The following DPH6 variants were observed in gnomAD, a reference collection of about 807,000 sequenced individuals.
DPH6 encodes diphthamine biosynthesis 6, also known as diphthine--ammonia ligase.
A neutral mutation model predicts 38.2 loss-of-function variants in DPH6; 33 were observed. The observed-to-expected ratio is 0.86, with a 90% CI of 0.65 to 1.15. DPH6 has a LOEUF of 1.15. Among genes scored for constraint, DPH6 ranks in the 50% most tolerant of loss-of-function variants. DPH6 has a pLI of 0.00. For missense variants in DPH6, 325 were observed against 320.0 expected, an observed-to-expected ratio of 1.02 and a Z score of -0.12; for synonymous variants, 108 against 103.0, an observed-to-expected ratio of 1.05 and a Z score of -0.30.
At chr15:35,199,118 C>T in the DPH6 span, among the ~76,000 whole-genome samples, 2 of 152,054 alleles carry the variant, frequency 1.3e-5, no homozygotes, top group Non-Finnish European at 2.9e-5. Flanking sequence ...TGGGGTTTTA[C>T]CATGTTGGCT....
At chr15:35,189,421 T>A in the DPH6 span, among the ~76,000 whole-genome samples, 1 of 152,200 alleles carries the variant, frequency 6.6e-6, no homozygotes, top group South Asian at 2.1e-4. Flanking sequence ...CAATGCAAAC[T>A]CCATACCAGA....
chr15:35,386,255 A>C (rs2052955352), intron 6 of DPH6, among the ~76,000 whole-genome samples: 1 of 152,206 alleles, frequency 6.6e-6, no homozygotes, highest in African/African-American at 2.4e-5. Context: ...CATTGTTGGA[A>C]ATCTGGGTTG....
At chr15:35,215,069 A>G (rs1366816111), downstream of DPH6, among the ~76,000 whole-genome samples, 1 of 152,240 alleles carries the variant, frequency 6.6e-6, no homozygotes, top group Non-Finnish European at 1.5e-5. Context: ...CATCTTGTGC[A>G]ATAATTCACC....
the DPH6 span, among the ~76,000 whole-genome samples, chr15:35,206,294 G>A: frequency 6.6e-6 from 1 of 152,134 alleles, no homozygotes; most frequent in Non-Finnish European, 1.5e-5. Flanking sequence ...TTCTTCAAAT[G>A]ACTGAATTCC....
intron 3 of DPH6, among the ~76,000 whole-genome samples, chr15:35,296,804 C>CTTTTTTTTTTTTTTTTTTTT (rs772132282): frequency 7.9e-5 from 10 of 127,346 alleles, no homozygotes; most frequent in African/African-American, 1.8e-4. Flanking sequence ...GGCCTGGCTT[C>CTTTTTTTTTTTTTTTTTTTT]TTTTTTTTTT....
At chr15:35,315,470 G>T (rs987394490) in intron 3 of DPH6, among the ~76,000 whole-genome samples, 2 of 152,218 alleles carry the variant, frequency 1.3e-5, no homozygotes, top group African/African-American at 4.8e-5. Flanking sequence ...CGCAACTGCA[G>T]TTACTTTGCA....
intron 3 of DPH6, chr15:35,299,006 T>A: frequency 1.3e-6 from 1 of 742,858 alleles, no homozygotes. Flanking sequence ...CTGAACTCCT[T>A]GAAAACTCAC....
chr15:35,473,955 T>TGCGC (rs1475956545), intron 3 of DPH6, among the ~76,000 whole-genome samples: 21 of 26,766 alleles, frequency 7.8e-4, no homozygotes, highest in Admixed American at 1.7e-3. Flanking sequence ...TGTGTGTGTG[T>TGCGC]GTGCGCGCGC....
intron 5 of DPH6, among the ~76,000 whole-genome samples, chr15:35,421,094 G>C (rs1189402257): frequency 6.6e-6 from 1 of 152,014 alleles, no homozygotes; most frequent in Admixed American, 6.5e-5. Context: ...GAATCACAAA[G>C]AAGCTGGAAA....
intron 3 of DPH6, among the ~76,000 whole-genome samples, chr15:35,507,558 A>G (rs8041876): frequency 0.01 from 1,531 of 152,214 alleles, 26 homozygotes; most frequent in African/African-American, 0.035. Flanking sequence ...ATTTTACCCC[A>G]TAAGCAAAAC....
At chr15:35,377,341 A>G (rs1394969379) in intron 7 of DPH6, among the ~76,000 whole-genome samples, 1 of 151,968 alleles carries the variant, frequency 6.6e-6, no homozygotes, top group Admixed American at 6.6e-5. Flanking sequence ...CCATCCATCC[A>G]TCCATCCATC....
At chr15:35,433,998 C>A (rs770365041) in intron 5 of DPH6, among the ~76,000 whole-genome samples, 2 of 152,158 alleles carry the variant, frequency 1.3e-5, no homozygotes, top group African/African-American at 2.4e-5. Context: ...CTGTACAAGG[C>A]TGCCCTCTAC....
At chr15:35,152,483 ATTTG>A in the DPH6 span, among the ~76,000 whole-genome samples, 3 of 152,074 alleles carry the variant, frequency 2.0e-5, no homozygotes, top group Non-Finnish European at 2.9e-5. Context: ...ATTATATTGC[ATTTG>A]TTTGTTTGTT....
chr15:35,437,012 G>A (rs2053725293), intron 5 of DPH6, among the ~76,000 whole-genome samples: 1 of 151,430 alleles, frequency 6.6e-6, no homozygotes, highest in South Asian at 2.1e-4. Flanking sequence ...GAGACAGGGT[G>A]TACGTGGGTA....
At chr15:35,487,143 C>A (rs1306479152) in intron 3 of DPH6, among the ~76,000 whole-genome samples, 1 of 152,180 alleles carries the variant, frequency 6.6e-6, no homozygotes, top group East Asian at 1.9e-4. Context: ...CTTTCATGGG[C>A]TGGTGTTGAG....
chr15:35,401,163 T>C (rs969597021), intron 6 of DPH6: 5 of 1,108,048 alleles, frequency 4.5e-6, no homozygotes, highest in South Asian at 1.2e-5. Flanking sequence ...ATACTGTGAA[T>C]GGCCACAACT....
At chr15:35,534,381 A>G (rs1330344374) in intron 3 of DPH6, among the ~76,000 whole-genome samples, 2 of 149,718 alleles carry the variant, frequency 1.3e-5, no homozygotes, top group Non-Finnish European at 3.0e-5. Flanking sequence ...CTGTCTCAAA[A>G]AAAAAAAAAA....
chr15:35,377,516 AATAT>A (rs2052797533), intron 7 of DPH6, among the ~76,000 whole-genome samples: 1 of 152,278 alleles, frequency 6.6e-6, no homozygotes, highest in South Asian at 2.1e-4. Flanking sequence ...TTTAGTTATG[AATAT>A]ACATATATAT....
At chr15:35,460,103 A>C (rs910171126) in intron 3 of DPH6, among the ~76,000 whole-genome samples, 1 of 152,174 alleles carries the variant, frequency 6.6e-6, no homozygotes, top group Non-Finnish European at 1.5e-5. Flanking sequence ...ATTGTATTTT[A>C]CCATTAGGGG....
Sources: gnomAD v4.1 joint callset for allele counts (sites outside exome capture counted in the v4.1 genomes callset) on GRCh38, gnomAD v4.1.1 for gene constraint, MANE v1.5 for transcripts, NCBI Gene and HGNC (gene_info 2026-07-23, HGNC 2026-07-21) for gene names.